NXPE2: variants seen among roughly 807,000 people sequenced by gnomAD.
NXPE2 encodes NXPE family member 2.
Under a neutral mutation model 34.4 loss-of-function variants are expected in NXPE2, and 34 were observed. The observed-to-expected ratio is 0.99, with a 90% CI of 0.75 to 1.31. The LOEUF (loss-of-function observed/expected upper bound fraction) is 1.31. NXPE2 is among the 40% of genes most tolerant of loss of function. The pLI is 0.00. For missense variants in NXPE2, 649 were observed against 672.5 expected (o/e 0.97, Z 0.39); for synonymous variants, 235 against 231.3 (o/e 1.02, Z -0.15).
chr11:114,781,932 TG>T, the NXPE2 span, among the ~76,000 whole-genome samples: 1 of 152,174 alleles, frequency 6.6e-6, no homozygotes, highest in African/African-American at 2.4e-5. Flanking sequence ...CCAGGGCAAG[TG>T]GCCCTGCTGA....
At chr11:114,765,483 T>C in the NXPE2 span, among the ~76,000 whole-genome samples, 1 of 152,326 alleles carries the variant, frequency 6.6e-6, no homozygotes, top group African/African-American at 2.4e-5. Flanking sequence ...GACTACAGTA[T>C]GGTATAAACA....
At chr11:114,601,684 TTA>T in the NXPE2 span, among the ~76,000 whole-genome samples, 3 of 30,870 alleles carry the variant, frequency 9.7e-5, no homozygotes, top group Non-Finnish European at 1.0e-4. Flanking sequence ...TAATTATAGA[TTA>T]TATATATTTA....
the NXPE2 span, among the ~76,000 whole-genome samples, chr11:114,759,692 C>A: frequency 2.1e-3 from 325 of 152,160 alleles, 2 homozygotes; most frequent in African/African-American, 7.3e-3. Context: ...TTTTAAAATC[C>A]TTTAGTCCTT....
chr11:114,604,956 T>C, the NXPE2 span, among the ~76,000 whole-genome samples: 10 of 147,370 alleles, frequency 6.8e-5, no homozygotes, highest in South Asian at 6.5e-4. Flanking sequence ...TGGATAATAA[T>C]TGTTGCCTCT....
the NXPE2 span, among the ~76,000 whole-genome samples, chr11:114,624,763 T>C: frequency 6.6e-6 from 1 of 152,152 alleles, no homozygotes; most frequent in Non-Finnish European, 1.5e-5. Flanking sequence ...ACCCAGTGGA[T>C]AGTAAGTATT....
chr11:114,782,379 A>G, the NXPE2 span, among the ~76,000 whole-genome samples: 1 of 152,186 alleles, frequency 6.6e-6, no homozygotes, highest in Non-Finnish European at 1.5e-5. Flanking sequence ...TGTGCTGTGA[A>G]TACTGGGAAC....
chr11:114,789,873 G>C, the NXPE2 span, among the ~76,000 whole-genome samples: 1 of 152,198 alleles, frequency 6.6e-6, no homozygotes, highest in Non-Finnish European at 1.5e-5. Context: ...CTCAAAAGCA[G>C]GGGTTGCATC....
At chr11:114,548,506 G>A in the NXPE2 span, among the ~76,000 whole-genome samples, 2 of 151,950 alleles carry the variant, frequency 1.3e-5, no homozygotes, top group Admixed American at 1.3e-4. Flanking sequence ...AGAGATTTAT[G>A]AAATAAAAAC....
the NXPE2 span, among the ~76,000 whole-genome samples, chr11:114,618,778 A>C: frequency 1.3e-5 from 2 of 152,050 alleles, no homozygotes; most frequent in African/African-American, 4.8e-5. Context: ...GGTGGATAAA[A>C]AGTGTTGCCT....
chr11:114,813,255 C>G, the NXPE2 span, among the ~76,000 whole-genome samples: 2 of 152,228 alleles, frequency 1.3e-5, no homozygotes, highest in African/African-American at 4.8e-5. Context: ...TCTGGCGTCT[C>G]CCTCATTCTA....
chr11:114,763,165 C>A, the NXPE2 span, among the ~76,000 whole-genome samples: 1 of 152,092 alleles, frequency 6.6e-6, no homozygotes, highest in Non-Finnish European at 1.5e-5. Context: ...AATTATGGGG[C>A]AAGAATAGTG....
At chr11:114,595,249 T>C in the NXPE2 span, among the ~76,000 whole-genome samples, 5 of 152,186 alleles carry the variant, frequency 3.3e-5, no homozygotes, top group East Asian at 7.7e-4. Flanking sequence ...TTTTCTGTTT[T>C]AGCAGGCTTT....
chr11:114,632,996 TATA>T, the NXPE2 span, among the ~76,000 whole-genome samples: 2,330 of 105,686 alleles, frequency 0.022, 36 homozygotes, highest in African/African-American at 0.036. Flanking sequence ...TTATATAATA[TATA>T]ATAATATATA....
At chr11:114,595,043 C>G in the NXPE2 span, among the ~76,000 whole-genome samples, 1 of 152,092 alleles carries the variant, frequency 6.6e-6, no homozygotes, top group African/African-American at 2.4e-5. Flanking sequence ...CTGAAGGATG[C>G]AAGCTTGCTC....
the NXPE2 span, among the ~76,000 whole-genome samples, chr11:114,539,516 T>A: frequency 2.0e-5 from 3 of 152,164 alleles, no homozygotes; most frequent in Admixed American, 1.3e-4. Flanking sequence ...TTTTTAAAGG[T>A]CTGAATGAAT....
chr11:114,491,631 C>A, the NXPE2 span, among the ~76,000 whole-genome samples: 1 of 152,164 alleles, frequency 6.6e-6, no homozygotes, highest in African/African-American at 2.4e-5. Context: ...ACTAGAAATA[C>A]CATGTGACCC....
At chr11:114,464,740 C>T in the NXPE2 span, among the ~76,000 whole-genome samples, 16 of 151,982 alleles carry the variant, frequency 1.1e-4, no homozygotes, top group Admixed American at 3.9e-4. Flanking sequence ...TGAAGAATTT[C>T]TTTTCTCTAA....
the NXPE2 span, among the ~76,000 whole-genome samples, chr11:114,505,986 T>G: frequency 6.6e-6 from 1 of 151,666 alleles, no homozygotes; most frequent in Non-Finnish European, 1.5e-5. Context: ...CCATCTCACA[T>G]GCAATGACAC....
chr11:114,804,263 G>A, the NXPE2 span, among the ~76,000 whole-genome samples: 1 of 152,200 alleles, frequency 6.6e-6, no homozygotes, highest in East Asian at 1.9e-4. Context: ...ACTGGAGAGT[G>A]TGGCCTCAAG....
Sources: gnomAD v4.1 joint callset for allele counts (sites outside exome capture counted in the v4.1 genomes callset) on GRCh38, gnomAD v4.1.1 for gene constraint, MANE v1.5 for transcripts, NCBI Gene and HGNC (gene_info 2026-07-23, HGNC 2026-07-21) for gene names.